Variants in OSBPL1A observed in about 807,000 individuals in gnomAD.
OSBPL1A encodes oxysterol-binding protein-related protein 1.
In OSBPL1A, 80 loss-of-function variants were observed where a neutral mutation model predicts 137.1. That is an observed-to-expected ratio of 0.58 (90% CI 0.49 to 0.70). The LOEUF (loss-of-function observed/expected upper bound fraction) is 0.70, where lower values mean the gene tolerates loss of function less well. OSBPL1A is among the 30% of genes least tolerant of loss of function. OSBPL1A has a pLI of 0.00. For missense variants in OSBPL1A, 970 were observed against 1,129.4 expected (o/e 0.86, Z 2.02); for synonymous variants, 365 against 389.7 (o/e 0.94, Z 0.75).
At chr18:24,176,852 A>G (rs1394754073) in intron 21 of OSBPL1A, among the ~76,000 whole-genome samples, 1 of 152,110 alleles carries the variant, frequency 6.6e-6, no homozygotes, top group Non-Finnish European at 1.5e-5. Context: ...TGTAGGGATG[A>G]GCGTAGGAAC....
chr18:24,296,004 A>C (rs918220220), intron 14 of OSBPL1A, among the ~76,000 whole-genome samples: 3 of 152,130 alleles, frequency 2.0e-5, no homozygotes, highest in African/African-American at 7.2e-5. Context: ...ATGGGATTCC[A>C]TATGAGTTTT....
intron 14 of OSBPL1A, among the ~76,000 whole-genome samples, chr18:24,300,837 A>G (rs1016291800): frequency 1.3e-5 from 2 of 152,068 alleles, no homozygotes; most frequent in African/African-American, 2.4e-5. Flanking sequence ...CTCTCTCTCA[A>G]TACAGGGTCT....
At chr18:24,218,244 A>C (rs1334691574) in intron 17 of OSBPL1A, 1 of 152,214 alleles carries the variant, frequency 6.6e-6, no homozygotes, top group Non-Finnish European at 1.5e-5. Flanking sequence ...TTTAGAAGCA[A>C]AAAAGACTCC....
intron 17 of OSBPL1A, among the ~76,000 whole-genome samples, chr18:24,215,817 A>C (rs556498207): frequency 6.6e-6 from 1 of 152,340 alleles, no homozygotes; most frequent in South Asian, 2.1e-4. Flanking sequence ...TTACTGTGAA[A>C]GATATTTCCT....
intron 16 of OSBPL1A, among the ~76,000 whole-genome samples, chr18:24,229,210 A>G (rs1275763422): frequency 6.6e-6 from 1 of 151,978 alleles, no homozygotes; most frequent in Admixed American, 6.6e-5. Context: ...TCAAAAGAAA[A>G]AGGTAGGTAG....
At chr18:24,387,093 C>T (rs767576102) in intron 1 of OSBPL1A, among the ~76,000 whole-genome samples, 11 of 151,054 alleles carry the variant, frequency 7.3e-5, no homozygotes, top group Non-Finnish European at 1.3e-4. Context: ...TAGATATTTC[C>T]TGCACTGCTG....
In OSBPL1A at chr18:24,162,503, A is replaced by G. The variant is rs1352569343; in HGVS notation, c.*676T>C. 1.3e-5 allele frequency: 2 copies of G among 152,256 alleles called. No individual in the cohort carries two copies. Among genetic ancestry groups the G allele is most frequent in the African/African-American group, 4.8e-5 (2 of 41,478 alleles). 9.4% of individuals were successfully genotyped at this position (152,256 alleles called of 1,614,324 possible). On this transcript the variant is annotated 3_prime_UTR_variant, in exon 28 of 28. Transcript: ENST00000319481. The stretch of plus-strand genomic sequence containing the variant: ...TTCAAATGTAAACTTAACCATTTTA[A>G]TGATACTGACTGCAGAAAACTGTAA...
At chr18:24,343,321 G>A (rs1218629946) in intron 4 of OSBPL1A, among the ~76,000 whole-genome samples, 1 of 152,068 alleles carries the variant, frequency 6.6e-6, no homozygotes, top group Non-Finnish European at 1.5e-5. Flanking sequence ...TGAAAGAAAT[G>A]TAAAATGACA....
At position 24,356,384 on chromosome 18, in the gene OSBPL1A, G is replaced by A. The variant is rs186814050; in HGVS notation, c.282+10508C>T. On this transcript the variant is annotated intron_variant, in intron 4 of 27. Coordinates refer to ENST00000319481, the MANE Select transcript of OSBPL1A (RefSeq NM_080597.4). Reference sequence around the variant, plus strand: ...CAAGAAACTATACAGTGGAGAAAGCGGATCACCAAGACATCTCACAAGCTG... The same window carrying A: ...CAAGAAACTATACAGTGGAGAAAGCAGATCACCAAGACATCTCACAAGCTG... 1.2e-4 allele frequency among the ~76,000 whole-genome samples: 19 copies of A among 152,176 alleles called. No homozygotes were observed. In the East Asian group the frequency reaches 2.7e-3, roughly 22 times the overall value.
rs1403857943 is a variant in OSBPL1A, at chr18:24,377,650, C to T, written c.-2-115G>A. ...CTCATTTTGCAGCTGATAAGACAGA[C>T]ACAACAACTGAATAAATCCGTTGCA... On this transcript the variant is annotated intron_variant, in intron 1 of 27. Coordinates refer to ENST00000319481, the MANE Select transcript of OSBPL1A (RefSeq NM_080597.4). 9.5e-6 allele frequency: 10 copies of T among 1,056,030 alleles called. No homozygotes were observed. The Admixed American group carries it at 2.5e-4, about 26-fold the overall frequency. The allele number at this position is 1,056,030 out of a possible 1,614,324, so 65.4% of individuals were successfully genotyped here.
chr18:24,238,134 A>T (rs947425362), intron 16 of OSBPL1A, among the ~76,000 whole-genome samples: 1 of 151,954 alleles, frequency 6.6e-6, no homozygotes, highest in Admixed American at 6.6e-5. Flanking sequence ...AACTTCCTTA[A>T]CCTAATCTTC....
chr18:24,388,814 A>C (rs1308030764), intron 1 of OSBPL1A, among the ~76,000 whole-genome samples: 8 of 151,742 alleles, frequency 5.3e-5, no homozygotes, highest in Non-Finnish European at 1.0e-4. Context: ...AAAAAAAAAA[A>C]AAAAAAACCA....
chr18:24,297,463 T>G (rs61457761), intron 14 of OSBPL1A, among the ~76,000 whole-genome samples: 12,049 of 152,186 alleles, frequency 0.079, 1,552 homozygotes, highest in African/African-American at 0.27. Flanking sequence ...TTCATTTATC[T>G]TTTGTATTTT....
intron 5 of OSBPL1A, among the ~76,000 whole-genome samples, chr18:24,341,294 A>G (rs564350729): frequency 6.6e-6 from 1 of 152,344 alleles, no homozygotes; most frequent in East Asian, 1.9e-4. Flanking sequence ...GGCGTGAGCC[A>G]CCGCACCCAG....
intron 2 of OSBPL1A, chr18:24,368,614 C>T (rs984188964): frequency 3.3e-5 from 12 of 366,530 alleles, no homozygotes; most frequent in South Asian, 2.7e-4. Context: ...GGAGACAGGA[C>T]GGGGGTTACA....
At chr18:24,250,207 C>T (rs1158825296) in intron 15 of OSBPL1A, among the ~76,000 whole-genome samples, 1 of 144,642 alleles carries the variant, frequency 6.9e-6, no homozygotes. Context: ...CATGGAGTCT[C>T]ACTCCGTCGC....
chr18:24,379,837 C>T (rs1906456165), intron 1 of OSBPL1A, among the ~76,000 whole-genome samples: 1 of 152,098 alleles, frequency 6.6e-6, no homozygotes, highest in African/African-American at 2.4e-5. Context: ...CGCCACTGCA[C>T]TCCAGCCTGG....
At chr18:24,303,103 C>T (rs1384816015) in intron 14 of OSBPL1A, among the ~76,000 whole-genome samples, 3 of 152,014 alleles carry the variant, frequency 2.0e-5, no homozygotes, top group African/African-American at 4.8e-5. Context: ...TAGGTTCAAG[C>T]GATTCTCCTG....
chr18:24,167,874 G>C (rs1382190542), intron 24 of OSBPL1A, among the ~76,000 whole-genome samples: 8 of 152,184 alleles, frequency 5.3e-5, no homozygotes, highest in Non-Finnish European at 1.2e-4. Context: ...CATGAGGGCA[G>C]GGACACTGTG....
Sources: allele counts gnomAD v4.1 joint callset (sites outside exome capture counted in the v4.1 genomes callset), GRCh38; gene constraint gnomAD v4.1.1; transcripts MANE v1.5; gene names NCBI Gene and HGNC (gene_info 2026-07-23, HGNC 2026-07-21).